The following WDR3 variants were observed in gnomAD, a reference collection of about 807,000 sequenced individuals.
WDR3 encodes WD repeat-containing protein 3.
WDR3 carries 81 observed loss-of-function variants against 123.7 expected under a neutral mutation model. That is an observed-to-expected ratio of 0.65 (90% CI 0.55 to 0.79). The LOEUF is 0.79. WDR3 is among the 30% of genes least tolerant of loss of function. The probability of loss-of-function intolerance (pLI) is 0.00; values close to 1 mark genes in which losing one functional copy is unlikely to be tolerated. For missense variants in WDR3, 1,027 were observed against 1,123.2 expected, an observed-to-expected ratio of 0.91 and a Z score of 1.22; for synonymous variants, 390 against 388.8, an observed-to-expected ratio of 1.00 and a Z score of -0.04.
intron 4 of WDR3, 55 bp downstream of exon 4, chr1:117,936,942 T>C: frequency 6.7e-7 from 1 of 1,491,764 alleles, no homozygotes; most frequent in African/African-American, 1.4e-5. Context: ...AGAATTTGCT[T>C]TATTCCTTAC....
rs369953709 is a variant in WDR3 at position 117,949,751 on chromosome 1, C to A, written c.1525C>A (p.Arg509Ser). ...LWSMSLSPDQ[R>S]GFVTGGADKS... ...AATTGAAATTTCATTTGATTTTCAG[C>A]GTGGCTTTGTGACAGGTGGTGCAGA... Residue 509 changes from arginine (R) to serine (S), a missense_variant and splice_region_variant, in exon 14 of 27, where the codon CGT becomes AGT. Coordinates refer to ENST00000349139, the MANE Select transcript of WDR3 (RefSeq NM_006784.3). 6 of 1,612,210 alleles carry A rather than the reference C, an allele frequency of 3.7e-6. No homozygotes were observed. In the South Asian group the frequency reaches 6.6e-5, roughly 18 times the overall value.
chr1:117,946,233 A>C (rs1053660133), intron 12 of WDR3, 54 bp downstream of exon 12: 1 of 1,421,792 alleles, frequency 7.0e-7, no homozygotes, highest in Non-Finnish European at 9.7e-7. Context: ...AAAATTCATA[A>C]AGTTAAGAAA....
rs1231315617 is a variant in WDR3, at chr1:117,936,882, T to A, written c.495T>A (p.Val165=). 15 of 1,610,378 alleles carry A rather than the reference T, an allele frequency of 9.3e-6. No homozygotes were observed. Among genetic ancestry groups the A allele is most frequent in the Non-Finnish European group, 1.3e-5 (15 of 1,177,666 alleles). Residue 165 remains valine, a synonymous_variant, in exon 4 of 27, where the codon GTT becomes GTA. Transcript: ENST00000349139. Reference sequence around the variant, plus strand: ...TTCTACGAGAAAAGAACCTGCTAGTTACTAGGTAAAGAAATAATGGTTTAA... The same window carrying A: ...TTCTACGAGAAAAGAACCTGCTAGTAACTAGGTAAAGAAATAATGGTTTAA... ...ALFLREKNLL[V]TSGKDTMVKW...
intron 12 of WDR3, among the ~76,000 whole-genome samples, chr1:117,948,095 T>C (rs140684087): frequency 6.6e-6 from 1 of 152,358 alleles, no homozygotes; most frequent in Non-Finnish European, 1.5e-5. Flanking sequence ...CTGATTTGCC[T>C]ATGGTCATGA....
intron 24 of WDR3, among the ~76,000 whole-genome samples, chr1:117,955,817 G>A (rs1652120434): frequency 6.7e-6 from 1 of 149,806 alleles, no homozygotes; most frequent in Non-Finnish European, 1.5e-5. Context: ...ATAATTACTC[G>A]ATATTGCATT....
In WDR3 at chr1:117,962,110, A is replaced by G. The variant is rs1653177244; in HGVS notation, c.*2663A>G. The G allele has an allele frequency of 6.6e-6, 1 of 151,864 alleles. No homozygotes were observed. Among genetic ancestry groups the G allele is most frequent in the African/African-American group, 2.4e-5 (1 of 41,308 alleles). The allele number at this position is 151,864 out of a possible 1,614,324, so 9.4% of individuals were successfully genotyped here. Reference sequence around the variant, plus strand: ...GTTGCTGTTTTCCCGTAGCTTTGCCACCATTTATAACTCAAAAGCCTGATA... The same window carrying G: ...GTTGCTGTTTTCCCGTAGCTTTGCCGCCATTTATAACTCAAAAGCCTGATA... On this transcript the variant is annotated 3_prime_UTR_variant, in exon 27 of 27. Transcript: ENST00000349139.
chr1:117,937,074 T>G (rs944339314), intron 4 of WDR3, among the ~76,000 whole-genome samples, 187 bp downstream of exon 4: 2 of 152,196 alleles, frequency 1.3e-5, no homozygotes, highest in Non-Finnish European at 2.9e-5. Flanking sequence ...TATATTATTT[T>G]TAAAATCATT....
At position 117,950,014 on chromosome 1, in the gene WDR3, C is replaced by T. The variant is rs547012838; in HGVS notation, c.1630C>T (p.Arg544Ter). Residue 544 changes from arginine (R) to a stop codon, truncating the protein, a stop_gained, in exon 15 of 27, where the codon CGA (arginine) becomes TGA (stop). Coordinates refer to ENST00000349139, the MANE Select transcript of WDR3 (RefSeq NM_006784.3). LOFTEE classifies it high-confidence loss of function. ...TQKRLSVKQT[R>*]TLQLDEDVLC... Reference sequence around the variant, plus strand: ...TGCTAGACTTTCTGTGAAGCAAACCCGAACTTTGCAACTAGATGAAGATGT... The same window carrying T: ...TGCTAGACTTTCTGTGAAGCAAACCTGAACTTTGCAACTAGATGAAGATGT... The T allele has an allele frequency of 2.2e-5, 35 of 1,613,900 alleles. No individual in the cohort carries two copies. The highest frequency in any genetic ancestry group is 6.7e-5 in the East Asian group (3 of 44,868).
At chr1:117,953,325 A>G (rs1188758523) in intron 20 of WDR3, 151 bp from the exon 21 acceptor site, 2 of 787,264 alleles carry the variant, frequency 2.5e-6, no homozygotes, top group East Asian at 2.7e-5. Context: ...ACAATAATAC[A>G]TATGCTAAGT....
rs1299232176 is a variant in WDR3 at position 117,963,615 on chromosome 1, C to T, written c.*4168C>T. ...TCCTGACCTTGTGATCCACCCACCT[C>T]GGCCTCCCAAAGTGCTGGGATTACA... On this transcript the variant is annotated 3_prime_UTR_variant, in exon 27 of 27. Transcript: ENST00000349139. The T allele has an allele frequency of 1.2e-5, 5 of 419,044 alleles. No homozygotes were observed. Among genetic ancestry groups the T allele is most frequent in the African/African-American group, 4.0e-5 (2 of 50,470 alleles). 26.0% of individuals were successfully genotyped at this position (419,044 alleles called of 1,614,324 possible).
intron 1 of WDR3, 85 bp from the exon 2 acceptor site, chr1:117,933,203 C>G (rs1415077306): frequency 5.6e-6 from 7 of 1,247,132 alleles, no homozygotes; most frequent in South Asian, 3.0e-5. Context: ...GACTCTGTCT[C>G]AAAAACAAAA....
Position 117,959,363 on chromosome 1 carries a change from G to GT in WDR3, c.2754dup (p.Ala919CysfsTer2). ...AATGCGAGGCAAAAAGTGAAGTTAT[G>GT]TTTTTTGCTGATGCTACTAGCCACT... On this transcript the variant is annotated frameshift_variant, in exon 27 of 27. Coordinates refer to ENST00000349139, the MANE Select transcript of WDR3 (RefSeq NM_006784.3). LOFTEE classifies it high-confidence loss of function. 6.2e-7 allele frequency: 1 copy of GT among 1,613,904 alleles called. No homozygotes were observed. Among genetic ancestry groups the GT allele is most frequent in the Non-Finnish European group, 8.5e-7 (1 of 1,179,900 alleles).
At chr1:117,932,861 T>C (rs1650781951) in intron 1 of WDR3, among the ~76,000 whole-genome samples, 2 of 152,096 alleles carry the variant, frequency 1.3e-5, no homozygotes, top group African/African-American at 4.8e-5. Flanking sequence ...TAAATAAAGA[T>C]TAAGAAGTCA....
Position 117,963,864 on chromosome 1 carries a change from T to C in WDR3, c.*4417T>C, listed in dbSNP as rs1653452224. The stretch of plus-strand genomic sequence containing the variant: ...GTGGAGGAATAAATTGTAGAAGTTC[T>C]CTGGACCATTGGATTTTCTTTTCCC... On this transcript the variant is annotated 3_prime_UTR_variant, in exon 27 of 27. Coordinates refer to ENST00000349139, the MANE Select transcript of WDR3 (RefSeq NM_006784.3). 1 of 1,613,912 alleles carries C rather than the reference T, an allele frequency of 6.2e-7. No homozygotes were observed. Among genetic ancestry groups the C allele is most frequent in the Admixed American group, 1.7e-5 (1 of 60,006 alleles).
chr1:117,962,486 T>G lies in WDR3; in HGVS notation c.*3039T>G, dbSNP rs981836420. ...ACCATAAAGAAAAGCCTTTTGAGATTGCAGTGAGCTGAGATTGTGCCACTG... is the reference window on the plus strand; with the variant it reads ...ACCATAAAGAAAAGCCTTTTGAGATGGCAGTGAGCTGAGATTGTGCCACTG... On this transcript the variant is annotated 3_prime_UTR_variant, in exon 27 of 27. Coordinates refer to ENST00000349139, the MANE Select transcript of WDR3 (RefSeq NM_006784.3). 1.7e-4 allele frequency: 26 copies of G among 151,808 alleles called. No homozygotes were observed. Among genetic ancestry groups the G allele is most frequent in the African/African-American group, 5.3e-4 (22 of 41,384 alleles). 9.4% of individuals were successfully genotyped at this position (151,808 alleles called of 1,614,324 possible).
At position 117,939,558 on chromosome 1, in the gene WDR3, G is replaced by A. The variant is rs749656921; in HGVS notation, c.661G>A (p.Ala221Thr). The part of the protein sequence containing the change: ...SDSELRVWDI[A>T]YLQEIEDPEE... ...CAGTGAACTGAGGGTATGGGACATA[G>A]CTTATCTGCAAGAGGTAATTACTTC... The change falls in exon 6 of 27, where the codon GCT becomes ACT. Residue 221 changes from alanine (A) to threonine (T), a missense_variant. Transcript: ENST00000349139. 6.2e-7 allele frequency: 1 copy of A among 1,613,616 alleles called. No homozygotes were observed. The highest frequency in any genetic ancestry group is 1.1e-5 in the South Asian group (1 of 91,074).
At position 117,945,341 on chromosome 1, in the gene WDR3, A is replaced by G. The variant is rs78319145; in HGVS notation, c.1329-745A>G. Among the ~76,000 whole-genome samples, 450 of 152,216 alleles carry G rather than the reference A, an allele frequency of 3.0e-3. 5 individuals are homozygous for G. The highest frequency in any genetic ancestry group is 0.01 in the African/African-American group (430 of 41,518). On this transcript the variant is annotated intron_variant, in intron 11 of 26. Coordinates refer to ENST00000349139, the MANE Select transcript of WDR3 (RefSeq NM_006784.3). ...CTAGAGCCACACTGGTCTTCTTGCTATTCCTTCAACAGAACAAGAATGTGC... is the reference window on the plus strand; with the variant it reads ...CTAGAGCCACACTGGTCTTCTTGCTGTTCCTTCAACAGAACAAGAATGTGC...
At chr1:117,954,532 C>T (rs748424373) in intron 22 of WDR3, 48 bp from the exon 23 acceptor site, 75 of 1,574,002 alleles carry the variant, frequency 4.8e-5, no homozygotes, top group Non-Finnish European at 5.8e-5. Flanking sequence ...ACAAGTGCTA[C>T]CTAAGTCTCA....
intron 13 of WDR3, 59 bp downstream of exon 13, chr1:117,948,565 T>G: frequency 7.8e-7 from 1 of 1,287,294 alleles, no homozygotes; most frequent in Non-Finnish European, 1.1e-6. Flanking sequence ...CTGATTTCTC[T>G]CAGGGTTTCT....
Sources: allele counts gnomAD v4.1 joint callset (sites outside exome capture counted in the v4.1 genomes callset), GRCh38; gene constraint gnomAD v4.1.1; transcripts MANE v1.5; gene names NCBI Gene and HGNC (gene_info 2026-07-23, HGNC 2026-07-21).